Variants in CLOCK observed in about 807,000 individuals in gnomAD.
CLOCK encodes clock circadian regulator.
Under a neutral mutation model 118.4 loss-of-function variants are expected in CLOCK, and 43 were observed. That is an observed-to-expected ratio of 0.36 (90% CI 0.28 to 0.47). CLOCK has a LOEUF of 0.47. CLOCK is among the 20% of genes least tolerant of loss of function. CLOCK has a pLI of 1.00. For synonymous variants in CLOCK, 326 were observed against 339.2 expected (o/e 0.96, Z 0.43); for missense variants, 846 against 999.9 (o/e 0.85, Z 2.08).
At chr4:55,520,098 GA>G (rs1729765562) in intron 1 of CLOCK, among the ~76,000 whole-genome samples, 2 of 152,292 alleles carry the variant, frequency 1.3e-5, no homozygotes, top group Non-Finnish European at 1.5e-5. Context: ...TAGTCTCCCT[GA>G]AGTCAACAGG....
In CLOCK at chr4:55,442,556, G is replaced by C; in HGVS notation, c.1981C>G (p.Leu661Val). ...SQTQSTLTAP[L>V]YNTMVISQPA... is the part of the protein sequence containing the mutation. ...TGAGAAATCACCATAGTGTTATACA[G>C]TGGGGCTGTAAGAGTGCTCTGTGTC... Residue 661 changes from leucine to valine, a missense_variant, in exon 21 of 23, where the codon CTG becomes GTG. Physicochemically the swap from Leu to Val is conservative, Grantham distance 32. Coordinates refer to ENST00000513440, the MANE Select transcript of CLOCK (RefSeq NM_004898.4). 2 of 1,611,716 alleles carry C rather than the reference G, an allele frequency of 1.2e-6. No homozygotes were observed. Among genetic ancestry groups the C allele is most frequent in the Admixed American group, 1.7e-5 (1 of 59,652 alleles).
intron 1 of CLOCK, among the ~76,000 whole-genome samples, chr4:55,512,303 AT>A (rs940173823): frequency 4.6e-5 from 7 of 152,220 alleles, no homozygotes; most frequent in Middle Eastern, 3.4e-3. Context: ...GTAGTATCTC[AT>A]TTTAATTTGC....
In CLOCK at chr4:55,432,629, G is replaced by C. The variant is rs947215916; in HGVS notation, c.*2786C>G. The C allele has an allele frequency of 8.6e-6, 1 of 115,940 alleles. No homozygotes were observed. The highest frequency in any genetic ancestry group is 1.2e-4 in the Admixed American group (1 of 8,686). The allele number at this position is 115,940 out of a possible 1,614,324, so 7.2% of individuals were successfully genotyped here. ...ATGCTCAAGTTTCATGGGGCAGGGTGGGGGGCGGGATAGCTTTGCAACCCA... is the reference window on the plus strand; with the variant it reads ...ATGCTCAAGTTTCATGGGGCAGGGTCGGGGGCGGGATAGCTTTGCAACCCA... On this transcript the variant is annotated 3_prime_UTR_variant, in exon 23 of 23. Transcript: ENST00000513440.
At chr4:55,527,731 A>G (rs2110079333) in intron 1 of CLOCK, among the ~76,000 whole-genome samples, 1 of 152,278 alleles carries the variant, frequency 6.6e-6, no homozygotes, top group East Asian at 1.9e-4. Flanking sequence ...TAGGTGTGGT[A>G]ATGATACCGA....
rs1327613801 is a variant in CLOCK at position 55,456,381 on chromosome 4, G to A, written c.793-81C>T. On this transcript the variant is annotated intron_variant, in intron 11 of 22. Coordinates refer to ENST00000513440, the MANE Select transcript of CLOCK (RefSeq NM_004898.4). ...ATTGCTACATATAAAAATAAGTCATGGCCAGGTGCAGTGGCTCACACCTGT... is the reference window on the plus strand; with the variant it reads ...ATTGCTACATATAAAAATAAGTCATAGCCAGGTGCAGTGGCTCACACCTGT... 1.5e-5 allele frequency: 15 copies of A among 1,000,780 alleles called. 1 individual carries two copies. In the East Asian group the frequency reaches 4.3e-4, roughly 28 times the overall value. The allele number at this position is 1,000,780 out of a possible 1,614,324, so 62.0% of individuals were successfully genotyped here.
intron 20 of CLOCK, 118 bp downstream of exon 20, chr4:55,443,569 C>A: frequency 2.5e-6 from 2 of 808,840 alleles, no homozygotes; most frequent in Non-Finnish European, 4.2e-6. Context: ...ACTATACTTT[C>A]TAAATACTAT....
At chr4:55,518,463 A>C (rs1729656478) in intron 1 of CLOCK, among the ~76,000 whole-genome samples, 1 of 152,230 alleles carries the variant, frequency 6.6e-6, no homozygotes, top group Admixed American at 6.5e-5. Context: ...TTGACTGTAG[A>C]CATTCATTGT....
rs1481009577 is a variant in CLOCK at position 55,434,984 on chromosome 4, G to C, written c.*431C>G. ...GGGTCGCTACCAAGTCTACTGGACT[G>C]TCTTCATGGCATCACTGTAAGCAAA... On this transcript the variant is annotated 3_prime_UTR_variant, in exon 23 of 23. Coordinates refer to ENST00000513440, the MANE Select transcript of CLOCK (RefSeq NM_004898.4). 1.3e-5 allele frequency: 3 copies of C among 236,452 alleles called. No individual in the cohort carries two copies. Among genetic ancestry groups the C allele is most frequent in the Admixed American group, 5.1e-5 (1 of 19,544 alleles). 14.6% of individuals were successfully genotyped at this position (236,452 alleles called of 1,614,324 possible). A position where few individuals can be genotyped will look rare whatever the true frequency, so the allele number is the denominator to read the frequency against.
At chr4:55,534,474 G>C (rs1457451823) in intron 1 of CLOCK, among the ~76,000 whole-genome samples, 2 of 152,034 alleles carry the variant, frequency 1.3e-5, no homozygotes, top group African/African-American at 4.8e-5. Flanking sequence ...TAATACTCCT[G>C]GGTATTTTTG....
intron 12 of CLOCK, 75 bp from the exon 13 acceptor site, chr4:55,456,078 G>T (rs370749564): frequency 4.2e-5 from 4 of 94,958 alleles, no homozygotes; most frequent in East Asian, 4.6e-4. Flanking sequence ...AATAAACTTT[G>T]GGGGGGGGGC....
At chr4:55,515,626 A>G (rs113701745) in intron 1 of CLOCK, among the ~76,000 whole-genome samples, 2,569 of 152,016 alleles carry the variant, frequency 0.017, 71 homozygotes, top group African/African-American at 0.058. Context: ...CTCGTGATCC[A>G]CCCACCTCTG....
Position 55,435,201 on chromosome 4 carries a change from T to C in CLOCK, c.*214A>G, listed in dbSNP as rs1264367306. On this transcript the variant is annotated 3_prime_UTR_variant, in exon 23 of 23. Coordinates refer to ENST00000513440, the MANE Select transcript of CLOCK (RefSeq NM_004898.4). ...CACCTAAAACACTGTCAGAACTGGC[T>C]ATGCCCCTATGATCACCTCCTGCTG... 2 of 589,044 alleles carry C rather than the reference T, an allele frequency of 3.4e-6. No homozygotes were observed. Among genetic ancestry groups the C allele is most frequent in the Non-Finnish European group, 6.1e-6 (2 of 329,306 alleles). The allele number at this position is 589,044 out of a possible 1,614,324, so 36.5% of individuals were successfully genotyped here. A position where few individuals can be genotyped will look rare whatever the true frequency, so the allele number is the denominator to read the frequency against.
At chr4:55,463,841 A>G (rs777021315) in intron 8 of CLOCK, 36 bp from the exon 9 acceptor site, 20 of 1,577,084 alleles carry the variant, frequency 1.3e-5, no homozygotes, top group Non-Finnish European at 1.7e-5. Context: ...AATAACTTCA[A>G]TGATTCAAGA....
rs1722314521 is a variant in CLOCK at position 55,428,167 on chromosome 4, A to T, written c.*7248T>A. 1 of 152,206 alleles carries T rather than the reference A, an allele frequency of 6.6e-6. No homozygotes were observed. Among genetic ancestry groups the T allele is most frequent in the Admixed American group, 6.5e-5 (1 of 15,284 alleles). 9.4% of individuals were successfully genotyped at this position (152,206 alleles called of 1,614,324 possible). A position where few individuals can be genotyped will look rare whatever the true frequency, so the allele number is the denominator to read the frequency against. On this transcript the variant is annotated 3_prime_UTR_variant, in exon 23 of 23. Transcript: ENST00000513440. ...AATACATGACAAGAGTATGGGAAAGAGCAGAATAATAGTACACGCAGTTTT... is the reference window on the plus strand; with the variant it reads ...AATACATGACAAGAGTATGGGAAAGTGCAGAATAATAGTACACGCAGTTTT...
intron 1 of CLOCK, among the ~76,000 whole-genome samples, chr4:55,546,307 G>A (rs991604816): frequency 6.6e-6 from 1 of 152,040 alleles, no homozygotes; most frequent in Non-Finnish European, 1.5e-5. Flanking sequence ...GGTAACCCCA[G>A]CTGCCCCAGA....
chr4:55,546,412 C>T (rs1228006179), intron 1 of CLOCK: 2 of 152,190 alleles, frequency 1.3e-5, no homozygotes, highest in African/African-American at 4.8e-5. Flanking sequence ...CCGCCTTCCC[C>T]ACCCTTGGCC....
In CLOCK at chr4:55,455,955, T is replaced by C; in HGVS notation, c.924A>G (p.Ser308=). 6.2e-7 allele frequency: 1 copy of C among 1,613,712 alleles called. No homozygotes were observed. The highest frequency in any genetic ancestry group is 8.5e-7 in the Non-Finnish European group (1 of 1,179,794). Residue 308 remains serine, a synonymous_variant, in exon 13 of 23, where the codon TCA becomes TCG. Transcript: ENST00000513440. ...CATCCACATGATAGTAATCATAGCC[T>C]GATGTTCCCAGAACTTCAAATGGCA... ...GYLPFEVLGT[S]GYDYYHVDDL... is the part of the protein sequence containing the mutation.
intron 2 of CLOCK, among the ~76,000 whole-genome samples, chr4:55,502,201 G>T (rs912796059): frequency 6.6e-6 from 1 of 152,144 alleles, no homozygotes; most frequent in African/African-American, 2.4e-5. Context: ...GTTTGTGGCG[G>T]GTAGTGCGGA....
chr4:55,493,634 A>C, intron 2 of CLOCK, among the ~76,000 whole-genome samples: 1 of 152,244 alleles, frequency 6.6e-6, no homozygotes, highest in Non-Finnish European at 1.5e-5. Flanking sequence ...TGTTTAATGT[A>C]CGAGGAAAAA....
Sources: gnomAD v4.1 joint callset for allele counts (sites outside exome capture counted in the v4.1 genomes callset) on GRCh38, gnomAD v4.1.1 for gene constraint, MANE v1.5 for transcripts, NCBI Gene and HGNC (gene_info 2026-07-23, HGNC 2026-07-21) for gene names.